Variants in OSGEP observed in about 807,000 individuals in gnomAD.
OSGEP encodes the protein O-sialoglycoprotein endopeptidase, also known as tRNA N6-adenosine threonylcarbamoyltransferase.
OSGEP carries 39 observed loss-of-function variants against 44.1 expected under a neutral mutation model. The ratio of observed to expected loss-of-function variants is 0.88; its 90% CI spans 0.69 to 1.16. The LOEUF (loss-of-function observed/expected upper bound fraction) is 1.16, where lower values mean the gene tolerates loss of function less well. Among genes scored for constraint, OSGEP ranks in the 50% most tolerant of loss-of-function variants. OSGEP has a pLI of 0.00. For missense variants in OSGEP, 403 were observed against 443.1 expected (o/e 0.91, Z 0.81); for synonymous variants, 139 against 161.9 (o/e 0.86, Z 1.07).
rs147827594 is a variant in OSGEP at position 20,448,556 on chromosome 14, T to G, written c.636+177A>C. ...TGCATCTCTACTATCTAGAACAGCATGTGGCACACAGAGATATTCAATGAA... is the reference window on the plus strand; with the variant it reads ...TGCATCTCTACTATCTAGAACAGCAGGTGGCACACAGAGATATTCAATGAA... On this transcript the variant is annotated intron_variant, in intron 6 of 10. Transcript: ENST00000206542. Among the ~76,000 whole-genome samples the G allele has an allele frequency of 2.5e-4, 38 of 152,262 alleles. No homozygotes were observed. In the East Asian group the frequency reaches 6.4e-3, roughly 26 times the overall value.
Position 20,447,255 on chromosome 14 carries a change from C to A in OSGEP, c.993G>T (p.Val331=). The part of the protein sequence containing the change: ...TQRYRTDEVE[V]TWRD ...GTTGATCTTATTAGTCCCTCCAGGT[C>A]ACCTCTACTTCATCTGTCCGATACC... Residue 331 remains valine, a synonymous_variant, in exon 11 of 11, where the codon GTG becomes GTT. Transcript: ENST00000206542. 1 of 1,614,090 alleles carries A rather than the reference C, an allele frequency of 6.2e-7. No individual in the cohort carries two copies. The highest frequency in any genetic ancestry group is 8.5e-7 in the Non-Finnish European group (1 of 1,179,942).
At position 20,449,196 on chromosome 14, in the gene OSGEP, A is replaced by G; in HGVS notation, c.482T>C (p.Leu161Pro). 6.2e-7 allele frequency: 1 copy of G among 1,613,112 alleles called. No homozygotes were observed. The highest frequency in any genetic ancestry group is 8.5e-7 in the Non-Finnish European group (1 of 1,179,014). ...CTTCAGCACTCGAGCAAAACGATCC[A>G]GACAATTACCCACTGCAATATCGAT... is the stretch of plus-strand genomic sequence containing the variant. ...ETIDIAVGNCLDRFARVLKIS... is the reference protein window; with the variant it reads ...ETIDIAVGNCPDRFARVLKIS... The change falls in exon 4 of 11, where the codon CTG becomes CCG. Residue 161 changes from leucine to proline, a missense_variant. Leu to Pro is a moderately conservative substitution (Grantham distance 98). Coordinates refer to ENST00000206542, the MANE Select transcript of OSGEP (RefSeq NM_017807.4).
chr14:20,447,594 C>T, intron 9 of OSGEP, 21 bp downstream of exon 9: 4 of 1,612,394 alleles, frequency 2.5e-6, no homozygotes, highest in Non-Finnish European at 3.4e-6. Flanking sequence ...AAAAAAGAAA[C>T]CAAAGGGAAA....
At position 20,452,064 on chromosome 14, in the gene OSGEP, C is replaced by T. The variant is rs1398883274; in HGVS notation, c.321G>A (p.Val107=). 1 of 1,613,926 alleles carries T rather than the reference C, an allele frequency of 6.2e-7. No individual in the cohort carries two copies. Among genetic ancestry groups the T allele is most frequent in the Non-Finnish European group, 8.5e-7 (1 of 1,180,000 alleles). ...AQLWNKPLVG[V]NHCIGHIEMG... is the part of the protein sequence containing the mutation. ...TCTCAATGTGGCCTATACAGTGGTT[C>T]ACACCCACCAATGGCTTATTCCACA... is the stretch of plus-strand genomic sequence containing the variant. The change falls in exon 3 of 11, where the codon GTG becomes GTA. Residue 107 remains valine, a synonymous_variant. Coordinates refer to ENST00000206542, the MANE Select transcript of OSGEP (RefSeq NM_017807.4).
At chr14:20,449,080 A>G (rs1881030805) in intron 4 of OSGEP, 67 bp from the exon 5 acceptor site, 1 of 1,517,016 alleles carries the variant, frequency 6.6e-7, no homozygotes, top group African/African-American at 1.4e-5. Flanking sequence ...CAGGAAGCAT[A>G]AGAAGCTCAT....
In OSGEP at chr14:20,448,204, A is replaced by T. The variant is rs754916405; in HGVS notation, c.637-33T>A. 3.8e-6 allele frequency: 6 copies of T among 1,585,628 alleles called. No individual in the cohort carries two copies. The African/African-American group carries it at 8.1e-5, about 21-fold the overall frequency. On this transcript the variant is annotated intron_variant, in intron 6 of 10. Coordinates refer to ENST00000206542, the MANE Select transcript of OSGEP (RefSeq NM_017807.4). ...TAAAGGGAAAAACAAAAGAATCAACAAATCATGGTTTTGGGATTACACGAG... is the reference window on the plus strand; with the variant it reads ...TAAAGGGAAAAACAAAAGAATCAACTAATCATGGTTTTGGGATTACACGAG...
rs772777399 is a variant in OSGEP, at chr14:20,454,601, G to C, written c.83C>G (p.Pro28Arg). The change falls in exon 1 of 11, where the codon CCG becomes CGG. Residue 28 changes from proline (P) to arginine (R), a missense_variant. Coordinates refer to ENST00000206542, the MANE Select transcript of OSGEP (RefSeq NM_017807.4). ...AGGAGGCGTGACGTAAGTCCGCCGC[G>C]GGTTCGCCAGCACCTTGCCATCCCG... ...VVRDGKVLAN[P>R]RRTYVTPPGT... is the part of the protein sequence containing the mutation. The C allele has an allele frequency of 3.7e-6, 6 of 1,614,148 alleles. No homozygotes were observed. Among genetic ancestry groups the C allele is most frequent in the Non-Finnish European group, 5.1e-6 (6 of 1,179,966 alleles).
chr14:20,453,660 G>A (rs1243770951), intron 1 of OSGEP, among the ~76,000 whole-genome samples: 5 of 151,864 alleles, frequency 3.3e-5, no homozygotes, highest in South Asian at 2.1e-4. Context: ...GAGCCACCAC[G>A]CCCAGCCGTG....
intron 5 of OSGEP, 26 bp from the exon 6 acceptor site, chr14:20,448,837 AC>A: frequency 6.3e-7 from 1 of 1,598,108 alleles, no homozygotes; most frequent in Non-Finnish European, 8.6e-7. Flanking sequence ...CGTACGAGGC[AC>A]TAAGCCTACA....
Position 20,452,310 on chromosome 14 carries a change from A to T in OSGEP, c.235+19T>A. The T allele has an allele frequency of 6.2e-7, 1 of 1,612,792 alleles. No homozygotes were observed. ...TTGCAGGTATATTCCTCCATCGTTG[A>T]CCACTCTCCCAGCCATACCCTTGGT... is the stretch of plus-strand genomic sequence containing the variant. On this transcript the variant is annotated intron_variant, in intron 2 of 10. Transcript: ENST00000206542.
At chr14:20,452,501 G>A (rs1369076947) in intron 1 of OSGEP, 53 bp from the exon 2 acceptor site, 3 of 1,592,936 alleles carry the variant, frequency 1.9e-6, no homozygotes, top group Non-Finnish European at 2.6e-6. Flanking sequence ...AGCAAAGGTA[G>A]GTAGGAAGTT....
At position 20,449,000 on chromosome 14, in the gene OSGEP, G is replaced by C. The variant is rs962456596; in HGVS notation, c.521C>G (p.Pro174Arg). 6.2e-7 allele frequency: 1 copy of C among 1,614,020 alleles called. No homozygotes were observed. Among genetic ancestry groups the C allele is most frequent in the Non-Finnish European group, 8.5e-7 (1 of 1,179,896 alleles). ...CTGTTCAATGTTGTATCCTGGACTT[G>C]GGTCGTTAGAAATCTAGCAGAAGAA... ...FARVLKISNDPSPGYNIEQMA... is the reference protein window; with the variant it reads ...FARVLKISNDRSPGYNIEQMA... Residue 174 changes from proline to arginine, a missense_variant, in exon 5 of 11, where the codon CCA (proline) becomes CGA (arginine). By Grantham distance (103) the Pro-to-Arg change is moderately radical. Transcript: ENST00000206542.
intron 1 of OSGEP, among the ~76,000 whole-genome samples, chr14:20,453,208 T>C (rs778132879): frequency 2.0e-5 from 3 of 152,186 alleles, no homozygotes; most frequent in Non-Finnish European, 2.9e-5. Flanking sequence ...CATACATATA[T>C]ATTTCTAGTG....
At chr14:20,449,309 G>A in intron 3 of OSGEP, 43 bp from the exon 4 acceptor site, 2 of 1,215,506 alleles carry the variant, frequency 1.6e-6, no homozygotes, top group East Asian at 2.3e-5. Flanking sequence ...AGTCTGTAAA[G>A]AGGATTATTT....
intron 3 of OSGEP, chr14:20,450,852 C>A: frequency 6.6e-6 from 1 of 152,462 alleles, no homozygotes. Flanking sequence ...GTGGCTCACG[C>A]CTGTAATCCC....
chr14:20,448,849 G>C, intron 5 of OSGEP, 38 bp from the exon 6 acceptor site: 5 of 1,593,792 alleles, frequency 3.1e-6, no homozygotes, highest in Non-Finnish European at 4.3e-6. Context: ...TAAGCCTACA[G>C]TCAGCTGGCT....
At chr14:20,453,332 A>G (rs1177611408) in intron 1 of OSGEP, among the ~76,000 whole-genome samples, 2 of 151,616 alleles carry the variant, frequency 1.3e-5, no homozygotes, top group Non-Finnish European at 2.9e-5. Context: ...ATAATAGCTT[A>G]TTTAAAATAT....
rs938273239 is a variant in OSGEP at position 20,447,414 on chromosome 14, T to C, written c.968+8A>G. 1 of 1,612,132 alleles carries C rather than the reference T, an allele frequency of 6.2e-7. No homozygotes were observed. The highest frequency in any genetic ancestry group is 8.5e-7 in the Non-Finnish European group (1 of 1,178,236). ...TAATCTACCCTCACCAAGAGGTGAATCACTCACCTCTGTGTAACCCCAGAA... is the reference window on the plus strand; with the variant it reads ...TAATCTACCCTCACCAAGAGGTGAACCACTCACCTCTGTGTAACCCCAGAA... On this transcript the variant is annotated splice_region_variant and intron_variant, in intron 10 of 10. Coordinates refer to ENST00000206542, the MANE Select transcript of OSGEP (RefSeq NM_017807.4).
rs764181920 is a variant in OSGEP, at chr14:20,452,032, C to T, written c.353G>A (p.Arg118His). Residue 118 changes from arginine to histidine, a missense_variant, in exon 3 of 11, where the codon CGC becomes CAC. Physicochemically the swap from Arg to His is conservative, Grantham distance 29 (BLOSUM62 0). Coordinates refer to ENST00000206542, the MANE Select transcript of OSGEP (RefSeq NM_017807.4). ...NHCIGHIEMG[R>H]LITGATSPTV... ...TGGGCTGGTGGCTCCAGTGATGAGG[C>T]GGCCCATCTCAATGTGGCCTATACA... 50 of 1,613,376 alleles carry T rather than the reference C, an allele frequency of 3.1e-5. No homozygotes were observed. Among genetic ancestry groups the T allele is most frequent in the South Asian group, 2.3e-4 (21 of 91,018 alleles).
Sources: allele counts gnomAD v4.1 joint callset (sites outside exome capture counted in the v4.1 genomes callset), GRCh38; gene constraint gnomAD v4.1.1; transcripts MANE v1.5; gene names NCBI Gene and HGNC (gene_info 2026-07-23, HGNC 2026-07-21).